KCNMB2: variants seen among roughly 807,000 people sequenced by gnomAD.
KCNMB2 encodes the protein calcium-activated potassium channel subunit beta-2.
Under a neutral mutation model 24.5 loss-of-function variants are expected in KCNMB2, and 9 were observed. The ratio of observed to expected loss-of-function variants is 0.37; its 90% CI spans 0.22 to 0.64. The LOEUF (loss-of-function observed/expected upper bound fraction) is 0.64. KCNMB2 is among the 30% of genes least tolerant of loss of function. KCNMB2 has a pLI of 0.63. For synonymous variants in KCNMB2, 109 were observed against 104.4 expected (o/e 1.04, Z -0.27); for missense variants, 226 against 284.3 (o/e 0.79, Z 1.47).
intron 1 of KCNMB2, among the ~76,000 whole-genome samples, chr3:178,543,928 C>T (rs946600709): frequency 6.6e-6 from 1 of 152,078 alleles, no homozygotes; most frequent in Non-Finnish European, 1.5e-5. Flanking sequence ...CTACCACGGT[C>T]CTTAATACAT....
chr3:178,605,202 C>T (rs1252591664), intron 1 of KCNMB2, among the ~76,000 whole-genome samples: 1 of 152,000 alleles, frequency 6.6e-6, no homozygotes, highest in African/African-American at 2.4e-5. Flanking sequence ...GGATTAAAGC[C>T]CTTATAAAAG....
chr3:178,761,913 T>G (rs961391088), intron 1 of KCNMB2, among the ~76,000 whole-genome samples: 1 of 152,200 alleles, frequency 6.6e-6, no homozygotes, highest in Admixed American at 6.5e-5. Context: ...GGTTCACGCC[T>G]GTAACCGCAG....
At chr3:178,601,900 T>C (rs1452951568) in intron 1 of KCNMB2, among the ~76,000 whole-genome samples, 1 of 152,182 alleles carries the variant, frequency 6.6e-6, no homozygotes, top group East Asian at 1.9e-4. Context: ...TGGCCAGGAA[T>C]TGTCTGACCA....
Position 178,579,859 on chromosome 3 carries a change from T to C in KCNMB2, c.-68+43148T>C, listed in dbSNP as rs2108488161. 2.0e-5 allele frequency among the ~76,000 whole-genome samples: 3 copies of C among 152,272 alleles called. 1 individual carries two copies. In the South Asian group the frequency reaches 6.2e-4, roughly 32 times the overall value. ...CTCTGAATATACCAATAACAAGTTC[T>C]GAAATTGAGGCAGTAATTAATCGCC... On this transcript the variant is annotated intron_variant, in intron 1 of 4. Coordinates refer to ENST00000452583, the MANE Select transcript of KCNMB2 (RefSeq NM_181361.3).
At chr3:178,746,456 T>C (rs1191248214) in intron 1 of KCNMB2, among the ~76,000 whole-genome samples, 1 of 152,178 alleles carries the variant, frequency 6.6e-6, no homozygotes, top group Non-Finnish European at 1.5e-5. Context: ...GGGGCTGCTG[T>C]GAAGACCTTA....
At chr3:178,743,657 T>C (rs1300081207) in intron 1 of KCNMB2, among the ~76,000 whole-genome samples, 3 of 152,154 alleles carry the variant, frequency 2.0e-5, no homozygotes, top group Admixed American at 1.3e-4. Flanking sequence ...CAGTAGAGTG[T>C]TCTGATAGCA....
intron 1 of KCNMB2, among the ~76,000 whole-genome samples, chr3:178,648,998 C>A (rs377601847): frequency 6.6e-6 from 1 of 152,206 alleles, no homozygotes; most frequent in Admixed American, 6.5e-5. Flanking sequence ...TCATCATAGA[C>A]ATAGGTAGCT....
chr3:178,662,318 C>T (rs768413987), intron 1 of KCNMB2, among the ~76,000 whole-genome samples: 7 of 152,142 alleles, frequency 4.6e-5, no homozygotes, highest in Non-Finnish European at 8.8e-5. Flanking sequence ...CATGTCATTA[C>T]TTGGGCAATA....
At chr3:178,572,363 A>G (rs1310192924) in intron 1 of KCNMB2, among the ~76,000 whole-genome samples, 3 of 152,208 alleles carry the variant, frequency 2.0e-5, no homozygotes. Flanking sequence ...ATTTTTCTCA[A>G]GGGAAGAATC....
At chr3:178,703,450 G>A (rs923980895) in intron 1 of KCNMB2, among the ~76,000 whole-genome samples, 1 of 152,132 alleles carries the variant, frequency 6.6e-6, no homozygotes, top group Non-Finnish European at 1.5e-5. Context: ...CTGGCCTCCT[G>A]CTGGTCATTT....
intron 1 of KCNMB2, among the ~76,000 whole-genome samples, chr3:178,559,245 G>T (rs1253774485): frequency 6.6e-6 from 1 of 152,016 alleles, no homozygotes; most frequent in East Asian, 1.9e-4. Flanking sequence ...ACAGGGAAGT[G>T]ATTTTTCTTT....
At chr3:178,725,223 C>A (rs990682829) in intron 1 of KCNMB2, among the ~76,000 whole-genome samples, 1 of 152,054 alleles carries the variant, frequency 6.6e-6, no homozygotes, top group Non-Finnish European at 1.5e-5. Context: ...TCATAGAAAT[C>A]TTCCATCTCT....
At chr3:178,580,851 C>T (rs113250293) in intron 1 of KCNMB2, among the ~76,000 whole-genome samples, 1 of 152,086 alleles carries the variant, frequency 6.6e-6, no homozygotes, top group East Asian at 1.9e-4. Context: ...CAAAGCACTG[C>T]TCAAGGAAAT....
intron 1 of KCNMB2, among the ~76,000 whole-genome samples, chr3:178,587,226 G>A (rs1188934355): frequency 6.6e-6 from 1 of 151,426 alleles, no homozygotes; most frequent in Admixed American, 6.6e-5. Context: ...CAATCTACTA[G>A]GAAAAATCTT....
intron 1 of KCNMB2, among the ~76,000 whole-genome samples, chr3:178,665,349 C>T (rs569776257): frequency 6.6e-6 from 1 of 152,214 alleles, no homozygotes; most frequent in Non-Finnish European, 1.5e-5. Context: ...TTAGATTTCT[C>T]TAAACAAATT....
At chr3:178,673,556 C>T (rs1720975788) in intron 1 of KCNMB2, among the ~76,000 whole-genome samples, 2 of 152,088 alleles carry the variant, frequency 1.3e-5, no homozygotes, top group Non-Finnish European at 2.9e-5. Flanking sequence ...CCTCCTCTTA[C>T]TATAGATGAA....
intron 1 of KCNMB2, among the ~76,000 whole-genome samples, chr3:178,547,660 T>C (rs551765503): frequency 2.0e-5 from 3 of 152,346 alleles, no homozygotes; most frequent in South Asian, 2.1e-4. Flanking sequence ...TCCTACTTTA[T>C]AGTTCTTTTT....
intron 1 of KCNMB2, among the ~76,000 whole-genome samples, chr3:178,728,697 G>A (rs924635023): frequency 3.3e-5 from 5 of 152,046 alleles, no homozygotes; most frequent in Non-Finnish European, 7.4e-5. Context: ...TATACACAGG[G>A]TGACTACCTC....
chr3:178,828,038 T>A (rs1388125833), intron 3 of KCNMB2, 140 bp from the exon 4 acceptor site: 2 of 673,248 alleles, frequency 3.0e-6, no homozygotes, highest in African/African-American at 1.8e-5. Context: ...TTCGAAGGCC[T>A]AAACTTTACA....
Sources: allele counts gnomAD v4.1 joint callset (sites outside exome capture counted in the v4.1 genomes callset), GRCh38; gene constraint gnomAD v4.1.1; transcripts MANE v1.5; gene names NCBI Gene and HGNC (gene_info 2026-07-23, HGNC 2026-07-21).